CENPP: variants seen among roughly 807,000 people sequenced by gnomAD.
CENPP encodes the protein centromere protein P.
CENPP carries 24 observed loss-of-function variants against 35.6 expected under a neutral mutation model. The ratio of observed to expected loss-of-function variants is 0.67; its 90% confidence interval spans 0.49 to 0.95. The LOEUF is 0.95. CENPP is among the 40% of genes least tolerant of loss of function. The probability of loss-of-function intolerance (pLI) is 0.00; values close to 1 mark genes in which losing one functional copy is unlikely to be tolerated. For missense variants in CENPP, 332 were observed against 345.3 expected (o/e 0.96, Z 0.31); for synonymous variants, 120 against 125.5 (o/e 0.96, Z 0.29).
chr9:92,442,118 C>T (rs1844406900), intron 5 of CENPP, among the ~76,000 whole-genome samples: 1 of 151,976 alleles, frequency 6.6e-6, no homozygotes, highest in Non-Finnish European at 1.5e-5. Flanking sequence ...AAAAACAAGG[C>T]CGGGCACAGT....
chr9:92,333,598 AT>A lies in CENPP; in HGVS notation c.289+1251del, dbSNP rs75586391. On this transcript the variant is annotated intron_variant, in intron 2 of 7. Coordinates refer to ENST00000375587, the MANE Select transcript of CENPP (RefSeq NM_001012267.3). The stretch of plus-strand genomic sequence containing the variant: ...ATAGAAATTATGAAGAAGAAATATC[AT>A]TTTAAAGCCAGAAATCTAAGTAGTT... Among the ~76,000 whole-genome samples, 755 of 152,374 alleles carry A rather than the reference AT, an allele frequency of 5.0e-3. 4 individuals are homozygous for A. Among genetic ancestry groups the A allele is most frequent in the African/African-American group, 0.016 (659 of 41,586 alleles).
chr9:92,543,686 A>G (rs887888964), intron 5 of CENPP, among the ~76,000 whole-genome samples: 4 of 152,132 alleles, frequency 2.6e-5, no homozygotes, highest in African/African-American at 9.7e-5. Context: ...CATGAACAAG[A>G]GATATCTTTT....
intron 5 of CENPP, among the ~76,000 whole-genome samples, chr9:92,602,026 G>A (rs1478639697): frequency 6.6e-6 from 1 of 152,182 alleles, no homozygotes; most frequent in Admixed American, 6.5e-5. Context: ...TGATTCTAGA[G>A]CTGGGCAGGG....
intron 1 of CENPP, among the ~76,000 whole-genome samples, chr9:92,328,256 A>AG (rs766214230): frequency 2.4e-4 from 37 of 152,146 alleles, no homozygotes; most frequent in Non-Finnish European, 4.7e-4. Context: ...TTTAACCGTG[A>AG]GGTTTCTTTT....
At chr9:92,600,905 A>G (rs1330817541) in intron 5 of CENPP, among the ~76,000 whole-genome samples, 2 of 152,166 alleles carry the variant, frequency 1.3e-5, no homozygotes, top group Non-Finnish European at 2.9e-5. Flanking sequence ...CTGGACACCC[A>G]TGTTCATCCA....
chr9:92,424,533 G>A (rs1037141738), intron 5 of CENPP: 4 of 152,062 alleles, frequency 2.6e-5, no homozygotes, highest in Non-Finnish European at 4.4e-5. Context: ...TTCCTCTAAT[G>A]TGAAAGGCAA....
chr9:92,449,437 C>CAAAAAAAAAAAAAAAAAAAAAAA (rs56218626), intron 5 of CENPP, among the ~76,000 whole-genome samples: 2 of 54,958 alleles, frequency 3.6e-5, no homozygotes, highest in African/African-American at 6.7e-5. Flanking sequence ...ACTCTATCTC[C>CAAAAAAAAAAAAAAAAAAAAAAA]AAAAAAAAAA....
At chr9:92,530,278 A>C (rs1012142596) in intron 5 of CENPP, among the ~76,000 whole-genome samples, 13 of 152,176 alleles carry the variant, frequency 8.5e-5, no homozygotes, top group African/African-American at 3.1e-4. Flanking sequence ...AATGTAAACT[A>C]TGGACATTGG....
chr9:92,597,344 G>T (rs936049451), intron 5 of CENPP, among the ~76,000 whole-genome samples: 2 of 152,152 alleles, frequency 1.3e-5, no homozygotes, highest in Non-Finnish European at 2.9e-5. Flanking sequence ...GATTTGTCTT[G>T]TGAAAAAGAA....
chr9:92,562,748 T>G (rs761627682), intron 5 of CENPP, among the ~76,000 whole-genome samples: 6 of 152,164 alleles, frequency 3.9e-5, no homozygotes, highest in Admixed American at 3.3e-4. Flanking sequence ...TCTTTTCCAC[T>G]GATATACTGT....
intron 5 of CENPP, among the ~76,000 whole-genome samples, chr9:92,383,431 C>T (rs575296550): frequency 8.2e-4 from 125 of 152,238 alleles, no homozygotes; most frequent in African/African-American, 2.7e-3. Context: ...TCCATAAACA[C>T]AAGACATCTT....
chr9:92,524,873 A>G (rs957899936), intron 5 of CENPP, among the ~76,000 whole-genome samples: 1 of 152,194 alleles, frequency 6.6e-6, no homozygotes, highest in African/African-American at 2.4e-5. Flanking sequence ...ACCAGAACAA[A>G]TCTATGATAG....
chr9:92,570,923 T>G (rs1588285143), intron 5 of CENPP, among the ~76,000 whole-genome samples: 1 of 152,226 alleles, frequency 6.6e-6, no homozygotes, highest in Non-Finnish European at 1.5e-5. Context: ...TTGGTGGTGA[T>G]ATCCCCTTTA....
chr9:92,421,679 G>A (rs931424491), intron 5 of CENPP, among the ~76,000 whole-genome samples: 19 of 152,184 alleles, frequency 1.2e-4, no homozygotes, highest in African/African-American at 3.6e-4. Context: ...TCAGTTTACC[G>A]TTGTCCTGAA....
chr9:92,426,169 A>G (rs1373737606), intron 5 of CENPP, among the ~76,000 whole-genome samples: 1 of 152,116 alleles, frequency 6.6e-6, no homozygotes, highest in East Asian at 1.9e-4. Flanking sequence ...GTCAGGCCTT[A>G]AAGGAAAAAA....
chr9:92,483,387 C>G (rs982218533), intron 5 of CENPP, among the ~76,000 whole-genome samples: 1 of 152,158 alleles, frequency 6.6e-6, no homozygotes, highest in African/African-American at 2.4e-5. Context: ...CGCCACCACG[C>G]CTGGCTAATT....
In CENPP at chr9:92,615,996, G is replaced by A. The variant is rs1851417100; in HGVS notation, c.*2847G>A. The A allele has an allele frequency of 6.2e-7, 1 of 1,614,052 alleles. No homozygotes were observed. Among genetic ancestry groups the A allele is most frequent in the African/African-American group, 1.3e-5 (1 of 74,924 alleles). ...TCGTAGGGCTTGAGGTCAAGGTCCA[G>A]CACAGACACGGAAAAGGCAAACCTG... On this transcript the variant is annotated 3_prime_UTR_variant, in exon 8 of 8. Transcript: ENST00000375587.
chr9:92,439,665 T>C (rs916428885), intron 5 of CENPP, among the ~76,000 whole-genome samples: 5 of 152,248 alleles, frequency 3.3e-5, no homozygotes, highest in Non-Finnish European at 7.3e-5. Flanking sequence ...TTTGTCTTCC[T>C]ATTATTTTAT....
At chr9:92,611,032 G>T in intron 5 of CENPP, 1 of 504,934 alleles carries the variant, frequency 2.0e-6, no homozygotes, top group South Asian at 2.2e-5. Context: ...TGGAAAGGGT[G>T]TGGGGAAACC....
Sources: allele counts gnomAD v4.1 joint callset (sites outside exome capture counted in the v4.1 genomes callset), GRCh38; gene constraint gnomAD v4.1.1; transcripts MANE v1.5; gene names NCBI Gene and HGNC (gene_info 2026-07-23, HGNC 2026-07-21).